Variants in DDHD1 observed in about 807,000 individuals in gnomAD.
DDHD1 encodes the protein DDHD domain containing 1.
A neutral mutation model predicts 96.4 loss-of-function variants in DDHD1; 49 were observed. The observed-to-expected ratio is 0.51, with a 90% CI of 0.40 to 0.64. The LOEUF is 0.64. Among genes scored for constraint, DDHD1 ranks in the 30% least tolerant of loss-of-function variants. DDHD1 has a pLI of 0.00. For missense variants in DDHD1, 1,106 were observed against 1,161.2 expected, an observed-to-expected ratio of 0.95 and a Z score of 0.69; for synonymous variants, 442 against 446.5, an observed-to-expected ratio of 0.99 and a Z score of 0.13.
At chr14:53,073,496 T>C (rs182444159) in intron 5 of DDHD1, among the ~76,000 whole-genome samples, 11 of 152,194 alleles carry the variant, frequency 7.2e-5, no homozygotes, top group African/African-American at 2.6e-4. Context: ...CCAGAGGGCA[T>C]GCATGAAAAC....
intron 1 of DDHD1, among the ~76,000 whole-genome samples, chr14:53,147,106 CCTT>C (rs1891048639): frequency 6.6e-6 from 1 of 152,138 alleles, no homozygotes; most frequent in African/African-American, 2.4e-5. Flanking sequence ...AATACATTCT[CCTT>C]CTAGTTCTCC....
At chr14:53,104,767 C>T (rs1887562341) in intron 1 of DDHD1, among the ~76,000 whole-genome samples, 1 of 151,168 alleles carries the variant, frequency 6.6e-6, no homozygotes, top group Non-Finnish European at 1.5e-5. Flanking sequence ...TTTAATAAAG[C>T]AAAAATAAAA....
chr14:53,139,091 C>A (rs112578974), intron 1 of DDHD1, among the ~76,000 whole-genome samples: 764 of 16,752 alleles, frequency 0.046, 18 homozygotes, highest in East Asian at 0.22. Context: ...AAAAAAAAAA[C>A]CACACCCACA....
rs1882048171 is a variant in DDHD1, at chr14:53,046,825, G to A, written c.2646C>T (p.Thr882=). 1.9e-6 allele frequency: 3 copies of A among 1,612,774 alleles called. No individual in the cohort carries two copies. Among genetic ancestry groups the A allele is most frequent in the African/African-American group, 1.3e-5 (1 of 74,814 alleles). The change falls in exon 13 of 13, where the codon ACC becomes ACT. Residue 882 remains threonine, a synonymous_variant. Transcript: ENST00000673822. ...CATCGTGCTCATGTTTATACATGAA[G>A]GTTAAAAGAAAAAGGGCAACATCCA... is the stretch of plus-strand genomic sequence containing the variant. The part of the protein sequence containing the change: ...SSLDVALFLL[T]FMYKHEHDDD...
chr14:53,053,936 A>G (rs1371467765), intron 11 of DDHD1: 1 of 152,308 alleles, frequency 6.6e-6, no homozygotes, highest in African/African-American at 2.4e-5. Flanking sequence ...CATTTTTTCA[A>G]TATCTGCTTT....
At position 53,059,411 on chromosome 14, in the gene DDHD1, A is replaced by AT. The variant is rs532701114; in HGVS notation, c.1843-786dup. Among the ~76,000 whole-genome samples, 72 of 151,422 alleles carry AT rather than the reference A, an allele frequency of 4.8e-4. 2 individuals are homozygous for AT. In the East Asian group the frequency reaches 0.013, roughly 27 times the overall value. ...AGGCGCCCGCCACCACGCCCAGCTA[A>AT]TTTTTTTGTATTTTTAGTAGAGATG... On this transcript the variant is annotated intron_variant, in intron 8 of 12. Coordinates refer to ENST00000673822, the MANE Select transcript of DDHD1 (RefSeq NM_001160148.2).
At chr14:53,072,811 C>A in intron 5 of DDHD1, 108 bp from the exon 6 acceptor site, 3 of 548,260 alleles carry the variant, frequency 5.5e-6, no homozygotes, top group East Asian at 3.0e-5. Context: ...TTTAAGTTAA[C>A]ATTTAAATAT....
chr14:53,123,857 T>G (rs1889209666), intron 1 of DDHD1, among the ~76,000 whole-genome samples: 1 of 152,208 alleles, frequency 6.6e-6, no homozygotes, highest in Non-Finnish European at 1.5e-5. Context: ...CTGATTATAT[T>G]TTTTTACATG....
chr14:53,081,980 G>A (rs550812616), intron 4 of DDHD1, among the ~76,000 whole-genome samples: 3 of 152,118 alleles, frequency 2.0e-5, no homozygotes, highest in East Asian at 1.9e-4. Flanking sequence ...GATATGTTCT[G>A]GCTATACGCC....
chr14:53,044,828 T>C lies in DDHD1; in HGVS notation c.*1940A>G, dbSNP rs1881900093. 2 of 152,156 alleles carry C rather than the reference T, an allele frequency of 1.3e-5. No individual in the cohort carries two copies. The highest frequency in any genetic ancestry group is 3.9e-4 in the East Asian group (2 of 5,192). 9.4% of individuals were successfully genotyped at this position (152,156 alleles called of 1,614,324 possible). On this transcript the variant is annotated 3_prime_UTR_variant, in exon 13 of 13. Coordinates refer to ENST00000673822, the MANE Select transcript of DDHD1 (RefSeq NM_001160148.2). Reference sequence around the variant, plus strand: ...TGAAGCACTAAGTAAAACCTACAAGTAAGCCACAGATTCTACTATCTTATG... The same window carrying C: ...TGAAGCACTAAGTAAAACCTACAAGCAAGCCACAGATTCTACTATCTTATG...
intron 4 of DDHD1, among the ~76,000 whole-genome samples, chr14:53,081,429 T>A (rs1885460894): frequency 6.6e-6 from 1 of 152,258 alleles, no homozygotes; most frequent in Admixed American, 6.5e-5. Flanking sequence ...AAGTGGTACA[T>A]GTGCTGCTGT....
In DDHD1 at chr14:53,051,197, AT is replaced by A. The variant is rs547082867; in HGVS notation, c.2521+646del. 5.0e-3 allele frequency among the ~76,000 whole-genome samples: 737 copies of A among 148,078 alleles called. 3 individuals carry two copies. Among genetic ancestry groups the A allele is most frequent in the African/African-American group, 0.015 (610 of 40,672 alleles). On this transcript the variant is annotated intron_variant, in intron 12 of 12. Transcript: ENST00000673822. ...TGTTTTGTCAAAGACAAAATCCAGC[AT>A]TTTTTTTTTTAAAAGAGAAGCTGTG...
intron 7 of DDHD1, 57 bp downstream of exon 7, chr14:53,062,886 G>A: frequency 6.5e-7 from 1 of 1,544,532 alleles, no homozygotes; most frequent in East Asian, 2.3e-5. Context: ...TCTCGTAAGA[G>A]GTCCAGTAAT....
At chr14:53,063,316 ACC>A in intron 6 of DDHD1, 111 bp from the exon 7 acceptor site, 1 of 1,243,832 alleles carries the variant, frequency 8.0e-7, no homozygotes, top group Non-Finnish European at 1.1e-6. Context: ...GATCAAATAT[ACC>A]TAGGTTATTA....
chr14:53,073,806 G>C lies in DDHD1; in HGVS notation c.1331C>G (p.Ser444Cys). The C allele has an allele frequency of 1.9e-6, 3 of 1,609,762 alleles. No homozygotes were observed. The highest frequency in any genetic ancestry group is 2.5e-6 in the Non-Finnish European group (3 of 1,177,404). ...AAATTCAACATGTGTTGCATGGTTG[G>C]AAAAATGCCTTTCTTCTATTTTTCT... ...AARKIEERHF[S>C]NHATHVEFLP... Residue 444 changes from serine (S) to cysteine (C), a missense_variant, in exon 5 of 13, where the codon TCC becomes TGC. Coordinates refer to ENST00000673822, the MANE Select transcript of DDHD1 (RefSeq NM_001160148.2).
intron 1 of DDHD1, among the ~76,000 whole-genome samples, chr14:53,142,899 A>G (rs761246710): frequency 5.3e-5 from 8 of 152,244 alleles, no homozygotes; most frequent in African/African-American, 7.2e-5. Flanking sequence ...GGCCAAGAAT[A>G]TGCCAAGTGA....
At chr14:53,050,401 T>C (rs1882433201) in intron 12 of DDHD1, among the ~76,000 whole-genome samples, 1 of 152,180 alleles carries the variant, frequency 6.6e-6, no homozygotes, top group Non-Finnish European at 1.5e-5. Context: ...TTTGTATGAA[T>C]GATTTTCATA....
intron 6 of DDHD1, among the ~76,000 whole-genome samples, chr14:53,069,887 G>T (rs1347602377): frequency 6.6e-6 from 1 of 152,132 alleles, no homozygotes; most frequent in Non-Finnish European, 1.5e-5. Flanking sequence ...GCTCTCCCAT[G>T]AAATTCATCT....
chr14:53,149,556 T>G (rs978641230), intron 1 of DDHD1, among the ~76,000 whole-genome samples: 3 of 152,206 alleles, frequency 2.0e-5, no homozygotes, highest in Admixed American at 6.5e-5. Context: ...ATATGAGATT[T>G]TGTGAGAAAT....
Sources: gnomAD v4.1 joint callset for allele counts (sites outside exome capture counted in the v4.1 genomes callset) on GRCh38, gnomAD v4.1.1 for gene constraint, MANE v1.5 for transcripts, NCBI Gene and HGNC (gene_info 2026-07-23, HGNC 2026-07-21) for gene names.